Variants in RGS6 observed in about 807,000 individuals in gnomAD.
RGS6 encodes regulator of G-protein signaling 6.
RGS6 carries 30 observed loss-of-function variants against 78.5 expected under a neutral mutation model. That is an observed-to-expected ratio of 0.38 (90% CI 0.29 to 0.52). The LOEUF (loss-of-function observed/expected upper bound fraction) is 0.52. Among genes scored for constraint, RGS6 ranks in the 20% least tolerant of loss-of-function variants. RGS6 has a pLI of 0.85. For missense variants in RGS6, 495 were observed against 609.7 expected, an observed-to-expected ratio of 0.81 and a Z score of 1.98; for synonymous variants, 206 against 206.0, an observed-to-expected ratio of 1.00 and a Z score of 0.00.
At position 71,989,188 on chromosome 14, in the gene RGS6, G is replaced by A. The variant is rs112492277; in HGVS notation, c.84+24313G>A. ...CTGAGAGCACTGCTGTAAAATCATT[G>A]TTATTCCCATGCCGCATATGAAGAA... On this transcript the variant is annotated intron_variant, in intron 2 of 17. Coordinates refer to ENST00000553525, the MANE Select transcript of RGS6 (RefSeq NM_001204424.2). 2.6e-3 allele frequency among the ~76,000 whole-genome samples: 394 copies of A among 152,350 alleles called. 1 individual carries two copies. Among genetic ancestry groups the A allele is most frequent in the African/African-American group, 9.0e-3 (375 of 41,584 alleles).
At chr14:72,571,546 AAG>A in the RGS6 span, among the ~76,000 whole-genome samples, 1 of 152,246 alleles carries the variant, frequency 6.6e-6, no homozygotes, top group South Asian at 2.1e-4. Context: ...GATTTTTAAC[AAG>A]AGTGTCAAAA....
chr14:72,196,533 A>C (rs1476403685), intron 2 of RGS6, among the ~76,000 whole-genome samples: 1 of 152,122 alleles, frequency 6.6e-6, no homozygotes, highest in Non-Finnish European at 1.5e-5. Flanking sequence ...CCCAACTCTG[A>C]AGGGGTCTTC....
the RGS6 span, among the ~76,000 whole-genome samples, chr14:71,900,571 T>A: frequency 6.6e-6 from 1 of 152,178 alleles, no homozygotes; most frequent in African/African-American, 2.4e-5. Flanking sequence ...AAACTAAAAC[T>A]ATGACTACTC....
chr14:72,552,523 TAAG>T (rs1028578295), intron 17 of RGS6: 5 of 152,194 alleles, frequency 3.3e-5, no homozygotes, highest in South Asian at 4.1e-4. Flanking sequence ...CTACCCAAGA[TAAG>T]AAGATGAAAT....
chr14:72,438,057 A>T (rs2095021316), intron 3 of RGS6, among the ~76,000 whole-genome samples: 1 of 152,140 alleles, frequency 6.6e-6, no homozygotes, highest in Non-Finnish European at 1.5e-5. Context: ...AGGAGCAGGA[A>T]AAAGGGGGGT....
intron 2 of RGS6, among the ~76,000 whole-genome samples, chr14:72,251,172 C>T (rs2055664993): frequency 6.6e-6 from 1 of 152,146 alleles, no homozygotes; most frequent in Admixed American, 6.6e-5. Context: ...CGGTAAGGGG[C>T]AGAACTGCAA....
chr14:71,886,152 G>A, the RGS6 span, among the ~76,000 whole-genome samples: 1 of 152,192 alleles, frequency 6.6e-6, no homozygotes, highest in East Asian at 1.9e-4. Context: ...TTGGACTGAA[G>A]TGATTAAGGT....
At chr14:72,445,155 TTAAG>T (rs1173771372) in intron 3 of RGS6, among the ~76,000 whole-genome samples, 1 of 152,234 alleles carries the variant, frequency 6.6e-6, no homozygotes, top group Non-Finnish European at 1.5e-5. Flanking sequence ...TAATATTTGT[TTAAG>T]TAGTAATTTG....
At chr14:71,982,086 A>G (rs2094493125) in intron 2 of RGS6, among the ~76,000 whole-genome samples, 1 of 152,224 alleles carries the variant, frequency 6.6e-6, no homozygotes. Flanking sequence ...TGACTAGGAA[A>G]GGGAACTCCC....
chr14:72,400,720 G>A (rs967212522), intron 3 of RGS6, among the ~76,000 whole-genome samples: 1 of 152,186 alleles, frequency 6.6e-6, no homozygotes, highest in Non-Finnish European at 1.5e-5. Flanking sequence ...TAGAGAGATA[G>A]CCAGACTCAC....
In RGS6 at chr14:72,370,335, A is replaced by T. The variant is rs78984605; in HGVS notation, c.184+18141A>T. On this transcript the variant is annotated intron_variant, in intron 3 of 17. Coordinates refer to ENST00000553525, the MANE Select transcript of RGS6 (RefSeq NM_001204424.2). ...TCAGACGATGCCTTTATTAAGGCCC[A>T]TGGACATTATCTCCTATGCCATAGG... 2.9e-3 allele frequency among the ~76,000 whole-genome samples: 442 copies of T among 152,296 alleles called. 14 individuals carry two copies. The South Asian group carries it at 0.069, about 24-fold the overall frequency.
chr14:72,005,411 A>G (rs2084316233), intron 2 of RGS6, among the ~76,000 whole-genome samples: 1 of 129,296 alleles, frequency 7.7e-6, no homozygotes, highest in Non-Finnish European at 1.7e-5. Flanking sequence ...CAAAAATTAC[A>G]TATTTCCAAG....
intron 2 of RGS6, among the ~76,000 whole-genome samples, chr14:72,329,637 A>T (rs1451883142): frequency 6.6e-6 from 1 of 152,244 alleles, no homozygotes; most frequent in Non-Finnish European, 1.5e-5. Context: ...CTCTGGAATT[A>T]TGGGGCCTGG....
chr14:71,871,580 C>T, the RGS6 span, among the ~76,000 whole-genome samples: 1 of 152,112 alleles, frequency 6.6e-6, no homozygotes, highest in South Asian at 2.1e-4. Flanking sequence ...CCTAAACCAG[C>T]CTCTATTCCT....
chr14:72,222,208 A>G (rs1038848555), intron 2 of RGS6, among the ~76,000 whole-genome samples: 1 of 152,182 alleles, frequency 6.6e-6, no homozygotes, highest in African/African-American at 2.4e-5. Flanking sequence ...CCCACCTCCA[A>G]GAGATCTGCT....
At chr14:72,465,947 T>C (rs1359827573) in intron 7 of RGS6, 125 bp downstream of exon 7, 1 of 659,192 alleles carries the variant, frequency 1.5e-6, no homozygotes, top group Non-Finnish European at 2.6e-6. Context: ...GGAAGGGAAG[T>C]ATCTTCTATT....
At chr14:72,607,722 C>T in the RGS6 span, among the ~76,000 whole-genome samples, 1 of 152,182 alleles carries the variant, frequency 6.6e-6, no homozygotes, top group Admixed American at 6.5e-5. Context: ...CTGAATTTAG[C>T]AGTTCAGCAT....
At chr14:72,587,965 C>G in the RGS6 span, among the ~76,000 whole-genome samples, 3 of 152,208 alleles carry the variant, frequency 2.0e-5, no homozygotes, top group Non-Finnish European at 2.9e-5. Flanking sequence ...AGTGCTTGAC[C>G]AGATGTCTTG....
chr14:72,504,242 A>C (rs886186972), intron 13 of RGS6, among the ~76,000 whole-genome samples: 2 of 152,138 alleles, frequency 1.3e-5, no homozygotes, highest in African/African-American at 2.4e-5. Context: ...TAGTGGTCTC[A>C]TTTTTTGCAT....
Sources: allele counts gnomAD v4.1 joint callset (sites outside exome capture counted in the v4.1 genomes callset), GRCh38; gene constraint gnomAD v4.1.1; transcripts MANE v1.5; gene names NCBI Gene and HGNC (gene_info 2026-07-23, HGNC 2026-07-21).